MYO5B: variants seen among roughly 807,000 people sequenced by gnomAD.
MYO5B encodes the protein myosin VB.
Under a neutral mutation model 229.3 loss-of-function variants are expected in MYO5B, and 143 were observed. That is an observed-to-expected ratio of 0.62 (90% CI 0.54 to 0.72). The LOEUF (loss-of-function observed/expected upper bound fraction) is 0.72. MYO5B is among the 30% of genes least tolerant of loss of function. The pLI, the probability that MYO5B is intolerant of heterozygous loss-of-function variation, is 0.00. For missense variants in MYO5B, 2,321 were observed against 2,331.0 expected, an observed-to-expected ratio of 1.00 and a Z score of 0.09; for synonymous variants, 918 against 885.2, an observed-to-expected ratio of 1.04 and a Z score of -0.66.
rs1053272254 is a variant in MYO5B, at chr18:49,825,315, T to C, written c.*1156A>G. 1.3e-5 allele frequency: 2 copies of C among 152,160 alleles called. No homozygotes were observed. Among genetic ancestry groups the C allele is most frequent in the African/African-American group, 4.8e-5 (2 of 41,440 alleles). 9.4% of individuals were successfully genotyped at this position (152,160 alleles called of 1,614,324 possible). A position where few individuals can be genotyped will look rare whatever the true frequency, so the allele number is the denominator to read the frequency against. ...CTGAATTACTTTTTTAAAATCCTTA[T>C]TTTGTGGGAGAGATATTTACAATTT... On this transcript the variant is annotated 3_prime_UTR_variant, in exon 40 of 40. Transcript: ENST00000285039.
rs745776575 is a variant in MYO5B, at chr18:49,904,741, C to A, written c.2502G>T (p.Arg834Ser). The A allele has an allele frequency of 5.6e-6, 9 of 1,614,042 alleles. No individual in the cohort carries two copies. The highest frequency in any genetic ancestry group is 7.6e-6 in the Non-Finnish European group (9 of 1,180,036). ...RMQRARQAYQ[R>S]VRRAAVVIQA... Reference sequence around the variant, plus strand: ...GGATAACAACGGCAGCTCTGCGGACCCTCTGGTAGGCCTGGCGGGCCCTCT... The same window carrying A: ...GGATAACAACGGCAGCTCTGCGGACACTCTGGTAGGCCTGGCGGGCCCTCT... Residue 834 changes from arginine to serine, a missense_variant, in exon 20 of 40, where the codon AGG (arginine) becomes AGT (serine). Physicochemically the swap from Arg to Ser is moderately radical, Grantham distance 110. Coordinates refer to ENST00000285039, the MANE Select transcript of MYO5B (RefSeq NM_001080467.3).
rs573843075 is a variant in MYO5B at position 50,151,829 on chromosome 18, C to T, written c.27+42938G>A. Among the ~76,000 whole-genome samples, 73 of 152,210 alleles carry T rather than the reference C, an allele frequency of 4.8e-4. 3 individuals are homozygous for T. The South Asian group carries it at 0.014, about 29-fold the overall frequency. ...GTTCTCTGAGCTGGTCCCTTGGAAT[C>T]GTGGTGATCTTACCCATTTCTTTGG... On this transcript the variant is annotated intron_variant, in intron 1 of 39. Transcript: ENST00000285039.
chr18:49,840,987 T>C (rs1568604861), intron 35 of MYO5B, among the ~76,000 whole-genome samples: 1 of 152,206 alleles, frequency 6.6e-6, no homozygotes, highest in Admixed American at 6.5e-5. Flanking sequence ...GGAGACAGGG[T>C]GACCCACTAG....
intron 10 of MYO5B, chr18:49,969,653 A>T (rs552835064): frequency 1.3e-5 from 2 of 152,230 alleles, no homozygotes; most frequent in Non-Finnish European, 2.9e-5. Context: ...CAGTGCTGGG[A>T]TTATAGGCAT....
intron 9 of MYO5B, among the ~76,000 whole-genome samples, chr18:49,980,010 G>T (rs977549863): frequency 1.3e-5 from 2 of 152,216 alleles, no homozygotes; most frequent in African/African-American, 4.8e-5. Flanking sequence ...TGTGCTGTCA[G>T]AATCTTGGCA....
At chr18:50,066,714 T>C (rs1488457298) in intron 1 of MYO5B, among the ~76,000 whole-genome samples, 14 of 152,224 alleles carry the variant, frequency 9.2e-5, no homozygotes, top group Non-Finnish European at 2.1e-4. Flanking sequence ...TAAGTGGGTA[T>C]CTGCTGCTTA....
chr18:49,932,180 T>C (rs1248118993), intron 16 of MYO5B, among the ~76,000 whole-genome samples: 6 of 152,162 alleles, frequency 3.9e-5, no homozygotes, highest in Non-Finnish European at 5.9e-5. Flanking sequence ...TCCCTCTCTG[T>C]TCTGGTATCC....
intron 29 of MYO5B, among the ~76,000 whole-genome samples, chr18:49,858,836 G>A (rs1005032538): frequency 3.3e-5 from 5 of 152,156 alleles, no homozygotes; most frequent in Admixed American, 2.0e-4. Context: ...TGCTTCAGCC[G>A]TTGGTTCCCA....
intron 1 of MYO5B, among the ~76,000 whole-genome samples, chr18:50,092,244 A>G (rs1473665888): frequency 1.3e-5 from 2 of 152,246 alleles, no homozygotes; most frequent in East Asian, 3.8e-4. Flanking sequence ...ATGATAAGCC[A>G]AAAAACTGTA....
chr18:49,964,840 T>C (rs1014624218), intron 10 of MYO5B, among the ~76,000 whole-genome samples: 5 of 152,158 alleles, frequency 3.3e-5, no homozygotes, highest in East Asian at 1.9e-4. Context: ...GCCCAATCTT[T>C]GGGCAGGGGA....
intron 17 of MYO5B, among the ~76,000 whole-genome samples, chr18:49,920,757 TG>T (rs1000816171): frequency 2.0e-5 from 3 of 152,186 alleles, no homozygotes; most frequent in African/African-American, 7.2e-5. Flanking sequence ...TTAAATCACC[TG>T]GGGAAACTTG....
intron 1 of MYO5B, among the ~76,000 whole-genome samples, chr18:50,073,374 TG>T (rs1229627498): frequency 1.3e-5 from 2 of 152,180 alleles, no homozygotes; most frequent in Non-Finnish European, 2.9e-5. Flanking sequence ...CCAGGTGAAC[TG>T]GGAAGGACAA....
At chr18:49,874,569 A>C (rs1048032952) in intron 26 of MYO5B, among the ~76,000 whole-genome samples, 1 of 152,248 alleles carries the variant, frequency 6.6e-6, no homozygotes, top group Admixed American at 6.5e-5. Context: ...AAAAAACAAG[A>C]ATTTGCCAGC....
intron 1 of MYO5B, among the ~76,000 whole-genome samples, chr18:50,144,797 T>C (rs1283583915): frequency 1.3e-5 from 2 of 152,120 alleles, no homozygotes; most frequent in Non-Finnish European, 2.9e-5. Context: ...TAGCACCTAA[T>C]AGGTATACAC....
intron 4 of MYO5B, among the ~76,000 whole-genome samples, chr18:50,003,132 A>C (rs79115410): frequency 0.059 from 9,035 of 152,280 alleles, 289 homozygotes; most frequent in Non-Finnish European, 0.064. Context: ...TGAGATGAAA[A>C]AATCCTTCAC....
Position 49,947,101 on chromosome 18 carries a change from C to CTTTTT in MYO5B, c.1752+6154_1752+6158dup, listed in dbSNP as rs74176748. Among the ~76,000 whole-genome samples the CTTTTT allele has an allele frequency of 4.3e-3, 467 of 108,236 alleles. 6 individuals carry two copies. Among genetic ancestry groups the CTTTTT allele is most frequent in the Non-Finnish European group, 6.5e-3 (361 of 55,152 alleles). The allele number at this position is 108,236 out of a possible 152,430, so 71.0% of individuals were successfully genotyped here. A position where few individuals can be genotyped will look rare whatever the true frequency, so the allele number is the denominator to read the frequency against. On this transcript the variant is annotated intron_variant, in intron 14 of 39. Transcript: ENST00000285039. ...CACAATGAAAAGTAGTCACCAAGCT[C>CTTTTT]TTTTTTTTTTTTTTTTTTTTTTGAG...
intron 1 of MYO5B, among the ~76,000 whole-genome samples, chr18:50,127,514 T>A (rs1265061193): frequency 2.0e-5 from 3 of 152,162 alleles, no homozygotes; most frequent in Non-Finnish European, 4.4e-5. Flanking sequence ...TAAGGAGTCC[T>A]CAGCTGAAAG....
chr18:50,012,717 C>T (rs948385634), intron 4 of MYO5B, among the ~76,000 whole-genome samples: 10 of 152,200 alleles, frequency 6.6e-5, no homozygotes, highest in Admixed American at 4.6e-4. Context: ...ATCTGGGTGC[C>T]CCTTCTGTGG....
intron 21 of MYO5B, among the ~76,000 whole-genome samples, chr18:49,898,221 G>A (rs994227640): frequency 1.1e-4 from 16 of 152,126 alleles, no homozygotes; most frequent in South Asian, 6.2e-4. Context: ...ATTAACAGAT[G>A]CATGACTGTA....
Sources: allele counts gnomAD v4.1 joint callset (sites outside exome capture counted in the v4.1 genomes callset), GRCh38; gene constraint gnomAD v4.1.1; transcripts MANE v1.5; gene names NCBI Gene and HGNC (gene_info 2026-07-23, HGNC 2026-07-21).